The following NRXN3 variants were observed in gnomAD, a reference collection of about 807,000 sequenced individuals.
NRXN3 encodes neurexin III.
In NRXN3, 32 loss-of-function variants were observed where a neutral mutation model predicts 137.6. That is an observed-to-expected ratio of 0.23 (90% confidence interval 0.18 to 0.31). The LOEUF is 0.31. Among genes scored for constraint, NRXN3 ranks in the 10% least tolerant of loss-of-function variants. The probability of loss-of-function intolerance (pLI) is 1.00; values close to 1 mark genes in which losing one functional copy is unlikely to be tolerated. For missense variants in NRXN3, 1,574 were observed against 2,062.5 expected (o/e 0.76, Z 4.59); for synonymous variants, 798 against 784.5 (o/e 1.02, Z -0.29).
chr14:79,601,994 C>T (rs902912865), intron 16 of NRXN3, among the ~76,000 whole-genome samples: 2 of 152,170 alleles, frequency 1.3e-5, no homozygotes, highest in African/African-American at 2.4e-5. Flanking sequence ...GAAAGACAAT[C>T]CAGAAGTCGA....
intron 15 of NRXN3, among the ~76,000 whole-genome samples, chr14:79,198,165 T>G (rs1185305494): frequency 6.6e-6 from 1 of 152,254 alleles, no homozygotes; most frequent in Non-Finnish European, 1.5e-5. Context: ...CTTTCTAATG[T>G]GATTTATATG....
intron 19 of NRXN3, among the ~76,000 whole-genome samples, chr14:79,783,842 T>C (rs1257249882): frequency 2.0e-5 from 3 of 152,190 alleles, no homozygotes; most frequent in Non-Finnish European, 4.4e-5. Flanking sequence ...ATTCTTTCTG[T>C]GACCTTTTTG....
chr14:79,582,480 G>A (rs2153812075), intron 16 of NRXN3, among the ~76,000 whole-genome samples: 1 of 152,226 alleles, frequency 6.6e-6, no homozygotes. Flanking sequence ...GAATGCAGTG[G>A]TGTGATCTCA....
intron 10 of NRXN3, among the ~76,000 whole-genome samples, chr14:78,834,422 G>A (rs1275973345): frequency 1.3e-5 from 2 of 152,004 alleles, no homozygotes; most frequent in Non-Finnish European, 2.9e-5. Flanking sequence ...TTAAGAGATT[G>A]GAAAGAAAGA....
At chr14:78,974,036 T>C (rs902129011) in intron 14 of NRXN3, among the ~76,000 whole-genome samples, 7 of 152,052 alleles carry the variant, frequency 4.6e-5, no homozygotes, top group Admixed American at 6.6e-5. Flanking sequence ...TCTTAGCAGA[T>C]TCACATATAT....
chr14:79,385,902 A>T (rs2094600563), intron 15 of NRXN3, among the ~76,000 whole-genome samples: 2 of 152,168 alleles, frequency 1.3e-5, no homozygotes, highest in South Asian at 2.1e-4. Context: ...ACAAAATTCA[A>T]CAGCCCTTCA....
At chr14:78,652,695 C>T (rs754132645) in intron 6 of NRXN3, among the ~76,000 whole-genome samples, 2 of 152,234 alleles carry the variant, frequency 1.3e-5, no homozygotes, top group Non-Finnish European at 2.9e-5. Flanking sequence ...TGCCACTGCC[C>T]TGTGAGCCTT....
At chr14:79,583,785 G>A (rs1432947241) in intron 16 of NRXN3, among the ~76,000 whole-genome samples, 1 of 152,148 alleles carries the variant, frequency 6.6e-6, no homozygotes, top group Non-Finnish European at 1.5e-5. Context: ...TACTGAGATT[G>A]TGCAAAATAG....
intron 16 of NRXN3, among the ~76,000 whole-genome samples, chr14:79,494,011 A>G (rs751950405): frequency 5.3e-5 from 8 of 152,136 alleles, no homozygotes; most frequent in Non-Finnish European, 1.2e-4. Context: ...CCTTGTATAC[A>G]TGGTAGGTGT....
intron 8 of NRXN3, among the ~76,000 whole-genome samples, chr14:78,756,313 C>G (rs1016494354): frequency 6.6e-6 from 1 of 152,022 alleles, no homozygotes; most frequent in African/African-American, 2.4e-5. Flanking sequence ...CGTGGCAAAA[C>G]CCTATCTCTA....
At chr14:78,985,797 A>G (rs1029516197) in intron 14 of NRXN3, among the ~76,000 whole-genome samples, 3 of 152,194 alleles carry the variant, frequency 2.0e-5, no homozygotes, top group Non-Finnish European at 2.9e-5. Flanking sequence ...TTATCCTTTG[A>G]AAGAAGCTGT....
chr14:79,325,975 C>T (rs1045577107), intron 15 of NRXN3, among the ~76,000 whole-genome samples: 1 of 152,174 alleles, frequency 6.6e-6, no homozygotes, highest in Non-Finnish European at 1.5e-5. Flanking sequence ...GAAGGGTCTG[C>T]GGGTGCCCTC....
chr14:78,350,152 G>T (rs571859816), intron 4 of NRXN3, among the ~76,000 whole-genome samples: 1 of 152,090 alleles, frequency 6.6e-6, no homozygotes, highest in African/African-American at 2.4e-5. Flanking sequence ...AGCTGAGCAT[G>T]GTGGTGCGTA....
At chr14:78,231,824 G>A (rs1421945562) in intron 1 of NRXN3, among the ~76,000 whole-genome samples, 3 of 152,234 alleles carry the variant, frequency 2.0e-5, no homozygotes, top group Non-Finnish European at 4.4e-5. Context: ...TATTATGAGT[G>A]TTTGCTGTTG....
chr14:78,214,400 G>T (rs2063050413), intron 1 of NRXN3, among the ~76,000 whole-genome samples: 1 of 152,112 alleles, frequency 6.6e-6, no homozygotes, highest in African/African-American at 2.4e-5. Context: ...TGCCTTGGTG[G>T]CATTTGTTAC....
Position 78,405,357 on chromosome 14 carries a change from G to C in NRXN3, c.757+107497G>C, listed in dbSNP as rs1046113551. Among the ~76,000 whole-genome samples, 3 of 152,128 alleles carry C rather than the reference G, an allele frequency of 2.0e-5. No individual in the cohort carries two copies. The East Asian group carries it at 5.8e-4, about 29-fold the overall frequency. On this transcript the variant is annotated intron_variant, in intron 4 of 20. Coordinates refer to ENST00000335750, the MANE Select transcript of NRXN3 (RefSeq NM_001330195.2). Reference sequence around the variant, plus strand: ...GGCTCTTCTCCATTCCATAGGCTGGGCTGCTCTGTCATAGCTTCACAGTGC... The same window carrying C: ...GGCTCTTCTCCATTCCATAGGCTGGCCTGCTCTGTCATAGCTTCACAGTGC...
At chr14:78,955,875 G>A (rs111625641) in intron 10 of NRXN3, among the ~76,000 whole-genome samples, 224 of 152,188 alleles carry the variant, frequency 1.5e-3, no homozygotes, top group African/African-American at 4.9e-3. Flanking sequence ...TGGAGAGGAG[G>A]GAGGAGTGTA....
intron 15 of NRXN3, among the ~76,000 whole-genome samples, chr14:79,056,670 C>T (rs1273410374): frequency 6.6e-6 from 1 of 152,122 alleles, no homozygotes; most frequent in Non-Finnish European, 1.5e-5. Context: ...GAATCTAGAG[C>T]TTAGAAAATA....
chr14:79,689,662 G>T lies in NRXN3; in HGVS notation c.3617-2511G>T, dbSNP rs565444297. ...TCTGTCACTTTCAGAAGGGTCTAAG[G>T]TTGAATCATGACCATGCTGTCCTTC... is the stretch of plus-strand genomic sequence containing the variant. On this transcript the variant is annotated intron_variant, in intron 17 of 20. Coordinates refer to ENST00000335750, the MANE Select transcript of NRXN3 (RefSeq NM_001330195.2). 3.3e-5 allele frequency among the ~76,000 whole-genome samples: 5 copies of T among 152,184 alleles called. No homozygotes were observed. In the East Asian group the frequency reaches 5.8e-4, roughly 18 times the overall value.
Sources: gnomAD v4.1 joint callset for allele counts (sites outside exome capture counted in the v4.1 genomes callset) on GRCh38, gnomAD v4.1.1 for gene constraint, MANE v1.5 for transcripts, NCBI Gene and HGNC (gene_info 2026-07-23, HGNC 2026-07-21) for gene names.